The following BLOC1S3 variants were observed in gnomAD, a reference collection of about 807,000 sequenced individuals.
BLOC1S3 encodes the protein biogenesis of lysosomal organelles complex 1 subunit 3, also known as biogenesis of lysosome-related organelles complex 1 subunit 3.
In BLOC1S3, 7 loss-of-function variants were observed where a neutral mutation model predicts 9.1. The ratio of observed to expected loss-of-function variants is 0.77; its 90% CI spans 0.44 to 1.45. BLOC1S3 has a LOEUF of 1.45. Among genes scored for constraint, BLOC1S3 ranks in the 40% most tolerant of loss-of-function variants. The pLI, the probability that BLOC1S3 is intolerant of heterozygous loss-of-function variation, is 0.01. For missense variants in BLOC1S3, 307 were observed against 315.2 expected (o/e 0.97, Z 0.20); for synonymous variants, 145 against 158.4 (o/e 0.92, Z 0.64).
chr19:45,201,096 G>T (rs924709516), intron 2 of BLOC1S3, among the ~76,000 whole-genome samples: 7 of 152,024 alleles, frequency 4.6e-5, no homozygotes, highest in Non-Finnish European at 8.8e-5. Flanking sequence ...CCAGCTACTT[G>T]GGAGGCTGAG....
intron 2 of BLOC1S3, among the ~76,000 whole-genome samples, chr19:45,195,963 T>G (rs572088115): frequency 3.9e-5 from 6 of 152,370 alleles, no homozygotes; most frequent in Non-Finnish European, 4.4e-5. Context: ...TGAGCCATTC[T>G]GTTTACTTAT....
At chr19:45,183,623 C>CTTTTTTTTTTTTTTTTTT (rs57651816), downstream of BLOC1S3, among the ~76,000 whole-genome samples, 18 of 105,114 alleles carry the variant, frequency 1.7e-4, no homozygotes, top group Admixed American at 4.2e-4. Flanking sequence ...CTTTTCTTTT[C>CTTTTTTTTTTTTTTTTTT]TTTTTTTTTT....
At chr19:45,210,160 A>G (rs1004182007) in intron 3 of BLOC1S3, among the ~76,000 whole-genome samples, 2 of 152,180 alleles carry the variant, frequency 1.3e-5, no homozygotes, top group African/African-American at 4.8e-5. Context: ...ATAGAGACAG[A>G]GAGATTAGTG....
At chr19:45,195,567 C>CTCCT (rs1555753744) in intron 2 of BLOC1S3, among the ~76,000 whole-genome samples, 53 of 130,134 alleles carry the variant, frequency 4.1e-4, no homozygotes, top group Admixed American at 2.7e-3. Flanking sequence ...CCTTCCCTCC[C>CTCCT]TCCCTCCCTC....
chr19:45,179,160 C>G lies in BLOC1S3; in HGVS notation c.-9-128C>G. The G allele has an allele frequency of 6.4e-6, 7 of 1,086,650 alleles. No homozygotes were observed. The highest frequency in any genetic ancestry group is 8.6e-6 in the Non-Finnish European group (7 of 811,370). The allele number at this position is 1,086,650 out of a possible 1,614,324, so 67.3% of individuals were successfully genotyped here. On this transcript the variant is annotated intron_variant, in intron 1 of 1. Transcript: ENST00000433642. The surrounding 1 kb of genome is among the most constrained non-coding windows in gnomAD (Gnocchi z 4.6). ...CAGTTTACAGAAGAGGAAACTGAGG[C>G]CCAGACGGGGAGCAGCTGACACCAA...
intron 2 of BLOC1S3, among the ~76,000 whole-genome samples, chr19:45,199,211 C>A (rs1969670937): frequency 6.6e-6 from 1 of 150,792 alleles, no homozygotes; most frequent in Admixed American, 6.6e-5. Flanking sequence ...ACTTAATAAA[C>A]TTTCTATTCC....
chr19:45,203,985 G>C (rs1386178251), intron 3 of BLOC1S3, among the ~76,000 whole-genome samples: 1 of 151,998 alleles, frequency 6.6e-6, no homozygotes, highest in African/African-American at 2.4e-5. Flanking sequence ...TCATGGTTCA[G>C]TAGGTTAAGT....
chr19:45,212,923 G>A, intron 3 of BLOC1S3: 1 of 923,118 alleles, frequency 1.1e-6, no homozygotes, highest in African/African-American at 1.7e-5. Context: ...TGTACAGGGA[G>A]TTTGGGGTTG....
chr19:45,200,569 A>G (rs528164235), intron 2 of BLOC1S3, among the ~76,000 whole-genome samples: 20 of 152,274 alleles, frequency 1.3e-4, no homozygotes, highest in Admixed American at 2.6e-4. Context: ...TGTTATCTTG[A>G]ATTTCATTGA....
downstream of BLOC1S3, among the ~76,000 whole-genome samples, chr19:45,182,743 T>A (rs892823157): frequency 3.9e-5 from 6 of 152,154 alleles, no homozygotes; most frequent in African/African-American, 1.2e-4. Context: ...GTCTTGAACT[T>A]CTGAGCTCAA....
chr19:45,178,928 C>G (rs1450943014), intron 1 of BLOC1S3, 97 bp downstream of exon 1: 3 of 208,356 alleles, frequency 1.4e-5, no homozygotes, highest in Non-Finnish European at 2.9e-5. Context: ...GCGCTGGTCC[C>G]GAGCAGCTCA....
intron 2 of BLOC1S3, among the ~76,000 whole-genome samples, chr19:45,200,264 C>T (rs866303248): frequency 2.0e-5 from 3 of 150,720 alleles, no homozygotes; most frequent in Admixed American, 6.7e-5. Context: ...TCACTGCAAG[C>T]TCCACCTCCC....
At chr19:45,204,935 T>C (rs909863566) in intron 3 of BLOC1S3, among the ~76,000 whole-genome samples, 1 of 151,890 alleles carries the variant, frequency 6.6e-6, no homozygotes, top group African/African-American at 2.4e-5. Context: ...GGTTTCTCCA[T>C]GTTTGCTAGG....
At chr19:45,194,087 G>A (rs1210525426) in intron 2 of BLOC1S3, among the ~76,000 whole-genome samples, 2 of 126,458 alleles carry the variant, frequency 1.6e-5, no homozygotes, top group Non-Finnish European at 3.2e-5. Context: ...ACAGGTGTGA[G>A]CCACCGCGCC....
At position 45,180,242 on chromosome 19, in the gene BLOC1S3, T is replaced by A; in HGVS notation, c.*337T>A. The A allele has an allele frequency of 4.8e-6, 1 of 206,278 alleles. No homozygotes were observed. The highest frequency in any genetic ancestry group is 9.6e-6 in the Non-Finnish European group (1 of 104,260). 12.8% of individuals were successfully genotyped at this position (206,278 alleles called of 1,614,324 possible). ...CACCCTGGGGGCTCACCAATTTTTT[T>A]TTTTTTTTTTTTTTTTTGGAGACAG... On this transcript the variant is annotated 3_prime_UTR_variant, in exon 2 of 2. Coordinates refer to ENST00000433642, the MANE Select transcript of BLOC1S3 (RefSeq NM_212550.5).
chr19:45,198,584 G>A (rs112270514), intron 2 of BLOC1S3, among the ~76,000 whole-genome samples: 8,096 of 152,146 alleles, frequency 0.053, 690 homozygotes, highest in African/African-American at 0.19. Flanking sequence ...GTGAGCCGCC[G>A]CACCCAGCCA....
intron 2 of BLOC1S3, among the ~76,000 whole-genome samples, chr19:45,198,714 C>G (rs755614594): frequency 9.2e-5 from 14 of 151,962 alleles, no homozygotes; most frequent in Admixed American, 5.3e-4. Context: ...GTTTTTGAGA[C>G]AGAGTCTCAC....
chr19:45,208,131 C>T (rs557694672), intron 3 of BLOC1S3, among the ~76,000 whole-genome samples: 2 of 151,806 alleles, frequency 1.3e-5, no homozygotes, highest in South Asian at 2.1e-4. Flanking sequence ...CCTGCCACCA[C>T]GCCCAGCTAA....
At chr19:45,191,082 G>A (rs1969604216) in intron 2 of BLOC1S3, among the ~76,000 whole-genome samples, 1 of 151,172 alleles carries the variant, frequency 6.6e-6, no homozygotes, top group South Asian at 2.1e-4. Flanking sequence ...TGGGATTACA[G>A]GCGTGAGCCA....
Sources: gnomAD v4.1 joint callset for allele counts (sites outside exome capture counted in the v4.1 genomes callset) on GRCh38, gnomAD v4.1.1 for gene constraint, Gnocchi (gnomAD v3.1) non-coding constraint, MANE v1.5 for transcripts, NCBI Gene and HGNC (gene_info 2026-07-23, HGNC 2026-07-21) for gene names.